Variants in PLD5 observed in about 807,000 individuals in gnomAD.
The protein encoded by PLD5 is phospholipase D family member 5, also known as inactive phospholipase D5.
A neutral mutation model predicts 61.1 loss-of-function variants in PLD5; 36 were observed. The ratio of observed to expected loss-of-function variants is 0.59; its 90% CI spans 0.45 to 0.78. The LOEUF is 0.78. Among genes scored for constraint, PLD5 ranks in the 30% least tolerant of loss-of-function variants. PLD5 has a pLI of 0.00. For synonymous variants in PLD5, 243 were observed against 242.8 expected, an observed-to-expected ratio of 1.00 and a Z score of -0.01; for missense variants, 515 against 644.4, an observed-to-expected ratio of 0.80 and a Z score of 2.17.
intron 1 of PLD5, among the ~76,000 whole-genome samples, chr1:242,495,942 T>C (rs766213836): frequency 1.3e-5 from 2 of 152,264 alleles, no homozygotes; most frequent in Non-Finnish European, 2.9e-5. Flanking sequence ...GTTTCATGTT[T>C]AATTATATAA....
intron 1 of PLD5, among the ~76,000 whole-genome samples, chr1:242,428,661 T>C (rs1316472624): frequency 6.6e-6 from 1 of 152,134 alleles, no homozygotes; most frequent in Non-Finnish European, 1.5e-5. Context: ...CAAAGCTTCC[T>C]ACCCTATATT....
At chr1:242,402,905 G>A (rs1324324086) in intron 1 of PLD5, among the ~76,000 whole-genome samples, 4 of 152,150 alleles carry the variant, frequency 2.6e-5, no homozygotes, top group Non-Finnish European at 5.9e-5. Context: ...CTAGAAGCTA[G>A]AAGTAATTTA....
At chr1:242,269,328 G>C in intron 3 of PLD5, among the ~76,000 whole-genome samples, 1 of 152,084 alleles carries the variant, frequency 6.6e-6, no homozygotes, top group East Asian at 1.9e-4. Context: ...AATGAAGTCT[G>C]TAAAAACCTC....
chr1:242,247,718 T>TG (rs1482327757), intron 4 of PLD5, among the ~76,000 whole-genome samples: 1 of 152,146 alleles, frequency 6.6e-6, no homozygotes, highest in Non-Finnish European at 1.5e-5. Flanking sequence ...TTCAGCAGGC[T>TG]GGGGGGCTTG....
intron 5 of PLD5, among the ~76,000 whole-genome samples, chr1:242,144,471 T>C (rs1050494757): frequency 6.6e-6 from 1 of 152,034 alleles, no homozygotes; most frequent in Non-Finnish European, 1.5e-5. Context: ...GGGGAATGAA[T>C]GGGTATGTGG....
At position 242,410,129 on chromosome 1, in the gene PLD5, A is replaced by G. The variant is rs572670307; in HGVS notation, c.190-61887T>C. 9.2e-5 allele frequency among the ~76,000 whole-genome samples: 14 copies of G among 152,258 alleles called. No homozygotes were observed. The East Asian group carries it at 2.7e-3, about 29-fold the overall frequency. ...TGTTAGGGGGTTTTGGGCGACGACT[A>G]TTTCTGGCTACTTCTTGCTGAAAAG... On this transcript the variant is annotated intron_variant, in intron 1 of 9. Transcript: ENST00000536534.
chr1:242,198,460 T>A (rs79693130), intron 5 of PLD5, among the ~76,000 whole-genome samples: 3 of 151,822 alleles, frequency 2.0e-5, no homozygotes, highest in East Asian at 3.9e-4. Context: ...TGTTTTTTTT[T>A]ATTTGCTATA....
intron 4 of PLD5, among the ~76,000 whole-genome samples, chr1:242,244,306 T>TG: frequency 1.3e-5 from 2 of 152,278 alleles, no homozygotes; most frequent in South Asian, 4.2e-4. Context: ...AAAGTACTCA[T>TG]GATGAGGAAG....
chr1:242,230,185 C>T (rs1466725228), intron 4 of PLD5, among the ~76,000 whole-genome samples: 1 of 152,162 alleles, frequency 6.6e-6, no homozygotes, highest in Non-Finnish European at 1.5e-5. Context: ...CGTGTTTATG[C>T]CTAATCCCAT....
At chr1:242,490,907 G>T (rs1287021524) in intron 1 of PLD5, among the ~76,000 whole-genome samples, 1 of 152,146 alleles carries the variant, frequency 6.6e-6, no homozygotes, top group Non-Finnish European at 1.5e-5. Context: ...GCTCCTTCCT[G>T]CTTCCTCTTT....
At chr1:242,370,981 A>C (rs1255862280) in intron 1 of PLD5, among the ~76,000 whole-genome samples, 5 of 152,080 alleles carry the variant, frequency 3.3e-5, no homozygotes, top group Non-Finnish European at 7.4e-5. Context: ...TGATTGTTTT[A>C]TGTTTCTTTT....
chr1:242,375,869 G>A (rs998123293), intron 1 of PLD5, among the ~76,000 whole-genome samples: 1 of 152,144 alleles, frequency 6.6e-6, no homozygotes, highest in African/African-American at 2.4e-5. Flanking sequence ...TGATAAGTCG[G>A]TGGTTGAAGT....
At chr1:242,350,178 T>C (rs932015223) in intron 1 of PLD5, among the ~76,000 whole-genome samples, 2 of 152,186 alleles carry the variant, frequency 1.3e-5, no homozygotes, top group African/African-American at 2.4e-5. Flanking sequence ...CATCTTGATC[T>C]TGGATTTCCC....
At chr1:242,207,942 A>T (rs1354461007) in intron 5 of PLD5, among the ~76,000 whole-genome samples, 3 of 90,560 alleles carry the variant, frequency 3.3e-5, no homozygotes, top group East Asian at 2.8e-4. Flanking sequence ...TTATATATTT[A>T]TATATATTTA....
chr1:242,093,506 C>A (rs1053027344), intron 9 of PLD5, among the ~76,000 whole-genome samples: 1 of 152,124 alleles, frequency 6.6e-6, no homozygotes, highest in Non-Finnish European at 1.5e-5. Context: ...GTAATACAAA[C>A]GCCATCGTAT....
intron 4 of PLD5, among the ~76,000 whole-genome samples, chr1:242,239,151 T>C (rs759228083): frequency 5.9e-5 from 9 of 152,138 alleles, no homozygotes; most frequent in Admixed American, 2.6e-4. Context: ...AACTAGAAAA[T>C]TGGAACTTGT....
At chr1:242,345,737 G>A in intron 2 of PLD5, 4 of 652,810 alleles carry the variant, frequency 6.1e-6, no homozygotes, top group South Asian at 4.9e-5. Flanking sequence ...ATTCAAATGA[G>A]AATAATCCAG....
intron 1 of PLD5, 112 bp from the exon 2 acceptor site, chr1:242,348,354 T>C: frequency 8.5e-7 from 1 of 1,177,064 alleles, no homozygotes. Context: ...GATACGATTA[T>C]CACTGCCTAG....
intron 5 of PLD5, among the ~76,000 whole-genome samples, chr1:242,146,734 A>C (rs1664569165): frequency 6.6e-6 from 1 of 152,196 alleles, no homozygotes; most frequent in Non-Finnish European, 1.5e-5. Context: ...GTAATTTATA[A>C]GAGCAGCTCG....
Sources: gnomAD v4.1 joint callset for allele counts (sites outside exome capture counted in the v4.1 genomes callset) on GRCh38, gnomAD v4.1.1 for gene constraint, MANE v1.5 for transcripts, NCBI Gene and HGNC (gene_info 2026-07-23, HGNC 2026-07-21) for gene names.